C1orf87: variants seen among roughly 807,000 people sequenced by gnomAD.
The protein encoded by C1orf87 is chromosome 1 open reading frame 87.
C1orf87 carries 58 observed loss-of-function variants against 60.5 expected under a neutral mutation model. That is an observed-to-expected ratio of 0.96 (90% CI 0.78 to 1.19). The LOEUF is 1.19. C1orf87 is among the 50% of genes most tolerant of loss of function. C1orf87 has a pLI of 0.00. For synonymous variants in C1orf87, 236 were observed against 227.4 expected (o/e 1.04, Z -0.34); for missense variants, 673 against 638.6 (o/e 1.05, Z -0.58).
chr1:60,003,268 C>T (rs1362781031), intron 9 of C1orf87, among the ~76,000 whole-genome samples: 1 of 130,796 alleles, frequency 7.6e-6, no homozygotes, highest in Non-Finnish European at 1.5e-5. Flanking sequence ...GGGAATTGAA[C>T]AATGAGATCA....
intron 11 of C1orf87, among the ~76,000 whole-genome samples, chr1:59,997,061 T>C (rs1339974734): frequency 6.6e-6 from 1 of 151,966 alleles, no homozygotes; most frequent in Non-Finnish European, 1.5e-5. Flanking sequence ...AGGTATTGAT[T>C]AGCCAGGGGA....
chr1:60,010,451 T>G lies in C1orf87; in HGVS notation c.1133A>C (p.Gln378Pro). 1 of 1,612,258 alleles carries G rather than the reference T, an allele frequency of 6.2e-7. No individual in the cohort carries two copies. The highest frequency in any genetic ancestry group is 2.2e-5 in the East Asian group (1 of 44,824). Residue 378 changes from glutamine (Q) to proline (P), a missense_variant, in exon 9 of 12, where the codon CAG becomes CCG. Physicochemically the swap from Gln to Pro is moderately conservative, Grantham distance 76. Coordinates refer to ENST00000371201, the MANE Select transcript of C1orf87 (RefSeq NM_152377.3). ...TCTGGTCAGCATCTCAACAAAATTCTGCCATCTGTGCAAGAAAAGGAAACA... is the reference window on the plus strand; with the variant it reads ...TCTGGTCAGCATCTCAACAAAATTCGGCCATCTGTGCAAGAAAAGGAAACA... ...DLGYQNEIKW[Q>P]NFVEMLTRAS... is the part of the protein sequence containing the mutation.
chr1:60,001,331 C>T (rs1269392709), intron 9 of C1orf87, among the ~76,000 whole-genome samples, 175 bp from the exon 10 acceptor site: 1 of 152,040 alleles, frequency 6.6e-6, no homozygotes, highest in Non-Finnish European at 1.5e-5. Context: ...ACCTGATTCC[C>T]ACCCTGGTGG....
At chr1:60,013,050 C>T (rs925808317) in intron 8 of C1orf87, among the ~76,000 whole-genome samples, 2 of 151,926 alleles carry the variant, frequency 1.3e-5, no homozygotes, top group Admixed American at 1.3e-4. Flanking sequence ...GGGTTTTTGG[C>T]CTGGATCCCT....
At chr1:60,029,142 T>G (rs1250573922) in intron 7 of C1orf87, among the ~76,000 whole-genome samples, 1 of 152,194 alleles carries the variant, frequency 6.6e-6, no homozygotes, top group East Asian at 1.9e-4. Flanking sequence ...ATGGCACCAC[T>G]ATCCATCAAG....
intron 11 of C1orf87, among the ~76,000 whole-genome samples, chr1:59,995,501 A>G (rs1644957834): frequency 6.6e-6 from 1 of 152,156 alleles, no homozygotes; most frequent in Non-Finnish European, 1.5e-5. Context: ...CACCTCCAGC[A>G]GTCCTGTCTT....
At chr1:60,008,840 A>G (rs1645064075) in intron 9 of C1orf87, 2 of 371,668 alleles carry the variant, frequency 5.4e-6, no homozygotes, top group Admixed American at 3.4e-5. Flanking sequence ...TCCAAGAATC[A>G]GCTGTATGGA....
intron 3 of C1orf87, among the ~76,000 whole-genome samples, chr1:60,044,191 G>T (rs188771009): frequency 3.0e-4 from 46 of 152,060 alleles, no homozygotes; most frequent in African/African-American, 1.0e-3. Context: ...CACCATGCCC[G>T]GCTAATTTTT....
chr1:60,049,335 T>G (rs1404685426), intron 3 of C1orf87, among the ~76,000 whole-genome samples: 1 of 152,148 alleles, frequency 6.6e-6, no homozygotes, highest in East Asian at 1.9e-4. Context: ...AGAATTAATT[T>G]ACATTCTACT....
chr1:60,062,996 A>G (rs1350572154), intron 2 of C1orf87, among the ~76,000 whole-genome samples: 1 of 152,120 alleles, frequency 6.6e-6, no homozygotes, highest in Non-Finnish European at 1.5e-5. Flanking sequence ...AAACACAAAA[A>G]CAAACAAAAA....
At chr1:59,994,707 C>A (rs980469608) in intron 11 of C1orf87, among the ~76,000 whole-genome samples, 1 of 152,056 alleles carries the variant, frequency 6.6e-6, no homozygotes, top group Non-Finnish European at 1.5e-5. Flanking sequence ...TTGTTGACAA[C>A]CCCCATTAGA....
intron 2 of C1orf87, among the ~76,000 whole-genome samples, chr1:60,057,130 G>C (rs1645462744): frequency 1.3e-5 from 2 of 152,184 alleles, no homozygotes; most frequent in African/African-American, 2.4e-5. Context: ...AAGTAGAAGG[G>C]AAATCAGGAG....
At chr1:59,994,132 G>A (rs1414825410) in intron 11 of C1orf87, among the ~76,000 whole-genome samples, 5 of 152,050 alleles carry the variant, frequency 3.3e-5, no homozygotes, top group Admixed American at 1.3e-4. Flanking sequence ...CATTTGATCC[G>A]TTCTCAAATC....
At chr1:60,041,379 T>C (rs1645324043) in intron 3 of C1orf87, among the ~76,000 whole-genome samples, 1 of 152,162 alleles carries the variant, frequency 6.6e-6, no homozygotes, top group Admixed American at 6.5e-5. Flanking sequence ...TATGTCTCAT[T>C]TGGGCAAGAA....
In C1orf87 at chr1:60,050,372, T is replaced by A. The variant is rs1346173849; in HGVS notation, c.342+4832A>T. 2.6e-5 allele frequency among the ~76,000 whole-genome samples: 4 copies of A among 151,998 alleles called. No individual in the cohort carries two copies. The East Asian group carries it at 7.7e-4, about 29-fold the overall frequency. ...TAAGTTTATGTCTTGGCATTTGATT[T>A]ATTTATTTAGTTAATTTACTTCTAC... On this transcript the variant is annotated intron_variant, in intron 3 of 11. Coordinates refer to ENST00000371201, the MANE Select transcript of C1orf87 (RefSeq NM_152377.3).
chr1:60,070,022 C>A (rs1010222684), intron 2 of C1orf87, among the ~76,000 whole-genome samples: 1 of 152,134 alleles, frequency 6.6e-6, no homozygotes, highest in African/African-American at 2.4e-5. Flanking sequence ...CAAGGGGAGG[C>A]CTAGAACACA....
rs1197386705 is a variant in C1orf87 at position 59,990,570 on chromosome 1, C to T, written c.*103G>A. 7 of 1,399,610 alleles carry T rather than the reference C, an allele frequency of 5.0e-6. No individual in the cohort carries two copies. Among genetic ancestry groups the T allele is most frequent in the East Asian group, 4.6e-5 (2 of 43,424 alleles). 86.7% of individuals were successfully genotyped at this position (1,399,610 alleles called of 1,614,324 possible). Reference sequence around the variant, plus strand: ...TCTACAATAGCTGCATCGGCCTCCACTCTGACAATGCCTCCGCCACTACAC... The same window carrying T: ...TCTACAATAGCTGCATCGGCCTCCATTCTGACAATGCCTCCGCCACTACAC... On this transcript the variant is annotated 3_prime_UTR_variant, in exon 12 of 12. Transcript: ENST00000371201.
chr1:60,066,353 G>A (rs1645545743), intron 2 of C1orf87, among the ~76,000 whole-genome samples: 1 of 152,146 alleles, frequency 6.6e-6, no homozygotes, highest in Non-Finnish European at 1.5e-5. Context: ...AAGTTTATAT[G>A]ATATTCTAAA....
intron 3 of C1orf87, among the ~76,000 whole-genome samples, chr1:60,043,995 C>A (rs529472534): frequency 6.6e-6 from 1 of 152,264 alleles, no homozygotes; most frequent in Non-Finnish European, 1.5e-5. Context: ...TTCTTTGGGC[C>A]TAGACATCAC....
Sources: gnomAD v4.1 joint callset for allele counts (sites outside exome capture counted in the v4.1 genomes callset) on GRCh38, gnomAD v4.1.1 for gene constraint, MANE v1.5 for transcripts, NCBI Gene and HGNC (gene_info 2026-07-23, HGNC 2026-07-21) for gene names.